EFCAB7: variants seen among roughly 807,000 people sequenced by gnomAD.
EFCAB7 encodes the protein EF-hand calcium binding domain 7, also known as EF-hand calcium-binding domain-containing protein 7.
A neutral mutation model predicts 77.1 loss-of-function variants in EFCAB7; 66 were observed. The ratio of observed to expected loss-of-function variants is 0.86; its 90% CI spans 0.70 to 1.05. EFCAB7 has a LOEUF of 1.05. Ranked by LOEUF, EFCAB7 falls within the 50% of genes least tolerant of loss-of-function variation. The probability of loss-of-function intolerance (pLI) is 0.00; values close to 1 mark genes in which losing one functional copy is unlikely to be tolerated. For missense variants in EFCAB7, 638 were observed against 730.5 expected (o/e 0.87, Z 1.46); for synonymous variants, 225 against 243.3 (o/e 0.92, Z 0.70).
At position 63,570,972 on chromosome 1, in the gene EFCAB7, G is replaced by T. The variant is rs766941219; in HGVS notation, c.1708-49G>T. ...TTTATTCTGAGGCTTATATTTGTCT[G>T]TAATTATTAAAGAAAGGAATAGCAG... On this transcript the variant is annotated intron_variant, in intron 12 of 13. Transcript: ENST00000371088. 6 of 1,342,240 alleles carry T rather than the reference G, an allele frequency of 4.5e-6. No homozygotes were observed. The South Asian group carries it at 7.8e-5, about 17-fold the overall frequency. 83.1% of individuals were successfully genotyped at this position (1,342,240 alleles called of 1,614,324 possible).
chr1:63,545,527 C>T (rs886279868), intron 6 of EFCAB7, among the ~76,000 whole-genome samples: 8 of 151,846 alleles, frequency 5.3e-5, no homozygotes, highest in South Asian at 2.1e-4. Flanking sequence ...AGTACAATGG[C>T]GCGATCTCGG....
At chr1:63,559,433 A>G (rs1294522222) in intron 10 of EFCAB7, among the ~76,000 whole-genome samples, 6 of 152,106 alleles carry the variant, frequency 3.9e-5, no homozygotes, top group Non-Finnish European at 8.8e-5. Context: ...ATTGATACAT[A>G]ATCATTAACT....
chr1:63,585,323 G>A, the EFCAB7 span, among the ~76,000 whole-genome samples: 25 of 151,970 alleles, frequency 1.6e-4, no homozygotes, highest in Non-Finnish European at 3.4e-4. Context: ...AGTCTGTAGT[G>A]ATATCCCTTT....
chr1:63,566,045 A>G (rs1194627058), intron 11 of EFCAB7, among the ~76,000 whole-genome samples: 3 of 152,260 alleles, frequency 2.0e-5, no homozygotes, highest in Admixed American at 6.5e-5. Context: ...ACACATACAC[A>G]TGTATGTTCA....
chr1:63,557,184 A>G lies in EFCAB7; in HGVS notation c.1285A>G (p.Asn429Asp). 6.2e-7 allele frequency: 1 copy of G among 1,610,840 alleles called. No individual in the cohort carries two copies. Among genetic ancestry groups the G allele is most frequent in the Non-Finnish European group, 8.5e-7 (1 of 1,179,118 alleles). Residue 429 changes from asparagine (N) to aspartate (D), a missense_variant, in exon 10 of 14, where the codon AAT (asparagine) becomes GAT (aspartate). Physicochemically the swap from Asn to Asp is conservative, Grantham distance 23. Coordinates refer to ENST00000371088, the MANE Select transcript of EFCAB7 (RefSeq NM_032437.4). Reference sequence around the variant, plus strand: ...TGGTCTTCTTAGCCTTGAAGAATATAATTTTTTTGAATTGAGAACAAGTGG... The same window carrying G: ...TGGTCTTCTTAGCCTTGAAGAATATGATTTTTTTGAATTGAGAACAAGTGG... Reference protein sequence around the residue: ...GNGLLSLEEYNFFELRTSGEK... With the variant: ...GNGLLSLEEYDFFELRTSGEK...
chr1:63,545,103 G>C (rs1257839030), intron 6 of EFCAB7, among the ~76,000 whole-genome samples: 1 of 150,360 alleles, frequency 6.7e-6, no homozygotes, highest in East Asian at 2.0e-4. Flanking sequence ...ATTTTTAGTA[G>C]AGACAGGGTT....
intron 2 of EFCAB7, chr1:63,527,883 T>C (rs1044822662): frequency 6.6e-6 from 1 of 152,200 alleles, no homozygotes; most frequent in Non-Finnish European, 1.5e-5. Context: ...ACATACCTTT[T>C]TTCTCAAAAC....
the EFCAB7 span, among the ~76,000 whole-genome samples, chr1:63,580,043 G>A: frequency 1.1e-4 from 17 of 152,182 alleles, no homozygotes; most frequent in South Asian, 8.3e-4. Flanking sequence ...TAACTGGATC[G>A]TATAGAGAGT....
rs776760398 is a variant in EFCAB7, at chr1:63,561,744, C to G, written c.1384C>G (p.Gln462Glu). Reference protein sequence around the residue: ...FDTKRNELTRQGFMDLNLMEA... With the variant: ...FDTKRNELTREGFMDLNLMEA... Reference sequence around the variant, plus strand: ...TACAAAGAGGAATGAACTAACAAGACAAGGATTTATGGATTTGAATCTAAT... The same window carrying G: ...TACAAAGAGGAATGAACTAACAAGAGAAGGATTTATGGATTTGAATCTAAT... Residue 462 changes from glutamine to glutamate, a missense_variant, in exon 11 of 14, where the codon CAA becomes GAA. Gln to Glu is a conservative substitution (Grantham distance 29, BLOSUM62 2). Transcript: ENST00000371088. 11 of 1,604,820 alleles carry G rather than the reference C, an allele frequency of 6.9e-6. No individual in the cohort carries two copies. Among genetic ancestry groups the G allele is most frequent in the Non-Finnish European group, 9.4e-6 (11 of 1,175,112 alleles).
At chr1:63,534,583 T>C (rs1003397401) in intron 6 of EFCAB7, among the ~76,000 whole-genome samples, 2 of 152,156 alleles carry the variant, frequency 1.3e-5, no homozygotes, top group African/African-American at 4.8e-5. Flanking sequence ...AAAGTCACTT[T>C]GCTAAGTCAA....
chr1:63,574,262 C>T (rs925014145), downstream of EFCAB7, among the ~76,000 whole-genome samples: 11 of 152,064 alleles, frequency 7.2e-5, no homozygotes, highest in African/African-American at 2.7e-4. Context: ...GGTAGAGTCC[C>T]ATGATGGAAA....
At chr1:63,528,667 A>G (rs988204446) in intron 2 of EFCAB7, among the ~76,000 whole-genome samples, 1 of 152,152 alleles carries the variant, frequency 6.6e-6, no homozygotes, top group Non-Finnish European at 1.5e-5. Context: ...AAAATCTCAT[A>G]TTATACACCT....
chr1:63,568,820 T>G (rs1176797814), intron 12 of EFCAB7: 2 of 207,590 alleles, frequency 9.6e-6, no homozygotes, highest in Non-Finnish European at 1.9e-5. Flanking sequence ...TTTCTAAAAG[T>G]TTTTATGTAT....
chr1:63,555,670 T>C (rs1425463824), intron 9 of EFCAB7, among the ~76,000 whole-genome samples, 155 bp downstream of exon 9: 1 of 152,178 alleles, frequency 6.6e-6, no homozygotes, highest in Non-Finnish European at 1.5e-5. Flanking sequence ...TTGGAGGATG[T>C]TCTGCTAAGT....
At chr1:63,538,249 T>C (rs887065482) in intron 6 of EFCAB7, among the ~76,000 whole-genome samples, 2 of 152,160 alleles carry the variant, frequency 1.3e-5, no homozygotes, top group African/African-American at 4.8e-5. Flanking sequence ...ATTCTAAAAT[T>C]ATTTTCAAAA....
chr1:63,533,089 A>T (rs1646718651), intron 4 of EFCAB7, among the ~76,000 whole-genome samples: 1 of 152,184 alleles, frequency 6.6e-6, no homozygotes, highest in Non-Finnish European at 1.5e-5. Context: ...ACACACGGAC[A>T]GATACACACA....
chr1:63,569,165 C>A (rs1647204447), intron 12 of EFCAB7: 1 of 152,044 alleles, frequency 6.6e-6, no homozygotes, highest in Non-Finnish European at 1.5e-5. Flanking sequence ...TGACTTATTT[C>A]TTTTAGGTCC....
At chr1:63,546,080 T>C (rs1275645699) in intron 7 of EFCAB7, 23 bp downstream of exon 7, 6 of 1,601,468 alleles carry the variant, frequency 3.7e-6, no homozygotes, top group Non-Finnish European at 5.1e-6. Flanking sequence ...TTTTTGTATA[T>C]TTTTAAAATG....
At chr1:63,562,838 C>A (rs1354798800) in intron 11 of EFCAB7, among the ~76,000 whole-genome samples, 1 of 151,928 alleles carries the variant, frequency 6.6e-6, no homozygotes. Flanking sequence ...TAGTATTTGT[C>A]CTTTTTCCAT....
Sources: allele counts gnomAD v4.1 joint callset (sites outside exome capture counted in the v4.1 genomes callset), GRCh38; gene constraint gnomAD v4.1.1; transcripts MANE v1.5; gene names NCBI Gene and HGNC (gene_info 2026-07-23, HGNC 2026-07-21).